The following MICAL2 variants were observed in gnomAD, a reference collection of about 807,000 sequenced individuals.
MICAL2 encodes microtubule associated monooxygenase, calponin and LIM domain containing 2.
Under a neutral mutation model 127.3 loss-of-function variants are expected in MICAL2, and 77 were observed. The ratio of observed to expected loss-of-function variants is 0.60; its 90% CI spans 0.50 to 0.73. The LOEUF (loss-of-function observed/expected upper bound fraction) is 0.73. MICAL2 is among the 30% of genes least tolerant of loss of function. The pLI, the probability that MICAL2 is intolerant of heterozygous loss-of-function variation, is 0.00. For missense variants in MICAL2, 1,351 were observed against 1,434.4 expected (o/e 0.94, Z 0.94); for synonymous variants, 570 against 551.1 (o/e 1.03, Z -0.48).
intron 33 of MICAL2, among the ~76,000 whole-genome samples, chr11:12,351,802 T>C (rs1283609933): frequency 6.6e-6 from 1 of 151,940 alleles, no homozygotes; most frequent in Non-Finnish European, 1.5e-5. Flanking sequence ...TTTTTTTTTT[T>C]TTCTTTGAGA....
chr11:12,237,689 A>G (rs908458350), intron 16 of MICAL2, among the ~76,000 whole-genome samples: 1 of 152,216 alleles, frequency 6.6e-6, no homozygotes, highest in African/African-American at 2.4e-5. Flanking sequence ...GCTTTAAGTC[A>G]GTTTTAACAA....
At chr11:12,352,040 G>A (rs1845394) in intron 33 of MICAL2, among the ~76,000 whole-genome samples, 2 of 151,878 alleles carry the variant, frequency 1.3e-5, no homozygotes, top group East Asian at 1.9e-4. Flanking sequence ...CACCCACCTC[G>A]GCCTCCCAAA....
At chr11:12,337,807 T>A (rs1938793133) in intron 32 of MICAL2, among the ~76,000 whole-genome samples, 1 of 152,160 alleles carries the variant, frequency 6.6e-6, no homozygotes, top group Non-Finnish European at 1.5e-5. Flanking sequence ...GATTGCACTA[T>A]GGTCTGAGAG....
At chr11:12,216,585 C>T (rs539416298) in intron 8 of MICAL2, among the ~76,000 whole-genome samples, 5 of 152,162 alleles carry the variant, frequency 3.3e-5, no homozygotes, top group Non-Finnish European at 5.9e-5. Flanking sequence ...TGAGTCTTTT[C>T]CTTCCCAAGT....
At chr11:12,299,625 T>C (rs191743146) in intron 29 of MICAL2, among the ~76,000 whole-genome samples, 62 of 152,330 alleles carry the variant, frequency 4.1e-4, no homozygotes, top group African/African-American at 9.1e-4. Context: ...TTGTGTATAA[T>C]TAAAGAACAT....
chr11:12,281,570 T>C (rs1166495036), intron 2 of MICAL2, among the ~76,000 whole-genome samples: 1 of 152,188 alleles, frequency 6.6e-6, no homozygotes, highest in Non-Finnish European at 1.5e-5. Context: ...ATTACCAGTG[T>C]TTGGGGCTTG....
chr11:12,265,673 A>G (rs1863599813), downstream of MICAL2, among the ~76,000 whole-genome samples: 1 of 151,966 alleles, frequency 6.6e-6, no homozygotes, highest in Non-Finnish European at 1.5e-5. Context: ...ATCAGTTAAT[A>G]TTTGTTGATT....
chr11:12,320,264 T>C (rs1340324693), intron 30 of MICAL2, among the ~76,000 whole-genome samples: 2 of 152,206 alleles, frequency 1.3e-5, no homozygotes, highest in Non-Finnish European at 2.9e-5. Flanking sequence ...TAGACATGGA[T>C]ACTCCAAAGA....
At chr11:12,223,720 G>A (rs1857088407) in intron 12 of MICAL2, among the ~76,000 whole-genome samples, 1 of 152,192 alleles carries the variant, frequency 6.6e-6, no homozygotes, top group South Asian at 2.1e-4. Context: ...GATGAAAGGA[G>A]CTAGTGTGTG....
chr11:12,122,686 G>A (rs1850604600), intron 1 of MICAL2, among the ~76,000 whole-genome samples: 1 of 152,202 alleles, frequency 6.6e-6, no homozygotes, highest in Non-Finnish European at 1.5e-5. Context: ...TGGGATTACA[G>A]GAGTGAGCCA....
At chr11:12,233,352 C>A (rs1432503674) in intron 15 of MICAL2, among the ~76,000 whole-genome samples, 1 of 152,240 alleles carries the variant, frequency 6.6e-6, no homozygotes, top group African/African-American at 2.4e-5. Flanking sequence ...AGCTCTCTTG[C>A]TATCACTGGC....
At chr11:12,299,341 C>T (rs369365589) in intron 29 of MICAL2, among the ~76,000 whole-genome samples, 15 of 152,078 alleles carry the variant, frequency 9.9e-5, no homozygotes, top group South Asian at 4.1e-4. Flanking sequence ...CTGTTGCCTC[C>T]GCATTTAACT....
chr11:12,133,340 C>A (rs1851577731), intron 1 of MICAL2, among the ~76,000 whole-genome samples: 1 of 152,164 alleles, frequency 6.6e-6, no homozygotes. Context: ...CCTCGGGCTC[C>A]CAAAGTGCTG....
At chr11:12,315,202 T>A (rs1013662444) in intron 29 of MICAL2, among the ~76,000 whole-genome samples, 1 of 152,220 alleles carries the variant, frequency 6.6e-6, no homozygotes, top group African/African-American at 2.4e-5. Context: ...CTCTTCAAAG[T>A]CAATTGTCAG....
chr11:12,268,826 TA>T (rs1285933607), intron 24 of MICAL2, among the ~76,000 whole-genome samples: 4 of 105,412 alleles, frequency 3.8e-5, no homozygotes, highest in Non-Finnish European at 6.5e-5. Flanking sequence ...CTGTCTCTAC[TA>T]AAAATACAAA....
intron 30 of MICAL2, among the ~76,000 whole-genome samples, chr11:12,323,177 C>A (rs753893823): frequency 6.6e-6 from 1 of 152,158 alleles, no homozygotes; most frequent in Admixed American, 6.5e-5. Flanking sequence ...GGAAGTGATA[C>A]TATCAAGATC....
At chr11:12,315,489 C>A (rs1281337161) in intron 29 of MICAL2, among the ~76,000 whole-genome samples, 1 of 151,880 alleles carries the variant, frequency 6.6e-6, no homozygotes, top group African/African-American at 2.4e-5. Context: ...CTTTTTTTGA[C>A]CTATGGGTTA....
chr11:12,146,936 C>A (rs1852979959), intron 2 of MICAL2, among the ~76,000 whole-genome samples: 1 of 152,156 alleles, frequency 6.6e-6, no homozygotes. Context: ...TGGAAACCAT[C>A]ATTCTCAGCA....
downstream of MICAL2, among the ~76,000 whole-genome samples, chr11:12,295,915 G>A (rs1432853637): frequency 6.6e-6 from 1 of 151,980 alleles, no homozygotes; most frequent in Admixed American, 6.6e-5. Flanking sequence ...TGCATATAAT[G>A]TTTTTCCCTT....
Sources: allele counts gnomAD v4.1 joint callset (sites outside exome capture counted in the v4.1 genomes callset), GRCh38; gene constraint gnomAD v4.1.1; transcripts MANE v1.5; gene names NCBI Gene and HGNC (gene_info 2026-07-23, HGNC 2026-07-21).